CMC2: variants seen among roughly 807,000 people sequenced by gnomAD.
CMC2 encodes the protein COX assembly mitochondrial protein 2 homolog.
Under a neutral mutation model 7.5 loss-of-function variants are expected in CMC2, and 5 were observed. The ratio of observed to expected loss-of-function variants is 0.66; its 90% CI spans 0.35 to 1.40. The LOEUF is 1.40. Among genes scored for constraint, CMC2 ranks in the 40% most tolerant of loss-of-function variants. CMC2 has a pLI of 0.04. For synonymous variants in CMC2, 37 were observed against 31.4 expected, an observed-to-expected ratio of 1.18 and a Z score of -0.60; for missense variants, 115 against 92.3, an observed-to-expected ratio of 1.25 and a Z score of -1.01.
At chr16:81,005,120 C>G (rs1597287592) in intron 1 of CMC2, among the ~76,000 whole-genome samples, 1 of 152,230 alleles carries the variant, frequency 6.6e-6, no homozygotes, top group South Asian at 2.1e-4. Context: ...ACTGTAAACA[C>G]TCCGCTTTCT....
At chr16:80,992,703 TCC>T (rs1404535140) in intron 2 of CMC2, among the ~76,000 whole-genome samples, 4 of 74,754 alleles carry the variant, frequency 5.4e-5, no homozygotes, top group East Asian at 4.3e-4. Flanking sequence ...TTATTCCCCC[TCC>T]TTTTTTTTTT....
At chr16:80,981,715 G>A (rs1314490012) in intron 3 of CMC2, 91 bp downstream of exon 3, 9 of 769,662 alleles carry the variant, frequency 1.2e-5, no homozygotes, top group Non-Finnish European at 1.9e-5. Context: ...ACTAAAATGT[G>A]GGAAAAATTC....
In CMC2 at chr16:80,975,868, T is replaced by C. The variant is rs572008832; in HGVS notation, c.*225A>G. The C allele has an allele frequency of 1.2e-5, 5 of 420,840 alleles. No homozygotes were observed. The highest frequency in any genetic ancestry group is 8.1e-5 in the South Asian group (2 of 24,698). 26.1% of individuals were successfully genotyped at this position (420,840 alleles called of 1,614,324 possible). On this transcript the variant is annotated 3_prime_UTR_variant, in exon 4 of 4. Transcript: ENST00000219400. ...ATTAACTGGTTGTAGGCAAAGGGAA[T>C]AAACATGGTGAAGTCAGGTTTGCTG...
intron 2 of CMC2, among the ~76,000 whole-genome samples, chr16:80,988,289 A>G (rs2911148): frequency 0.65 from 99,076 of 152,028 alleles, 34,029 homozygotes; most frequent in South Asian, 0.8. Flanking sequence ...ACATGGTCTC[A>G]CTCCGTTGCC....
At chr16:81,002,402 G>T (rs935225415) in intron 1 of CMC2, among the ~76,000 whole-genome samples, 2 of 152,174 alleles carry the variant, frequency 1.3e-5, no homozygotes, top group African/African-American at 4.8e-5. Context: ...TCCAGCTTGG[G>T]TAACAGCGCA....
Position 80,978,317 on chromosome 16 carries a change from T to C in CMC2, c.154-2138A>G, listed in dbSNP as rs1034888973. On this transcript the variant is annotated intron_variant, in intron 3 of 3. Coordinates refer to ENST00000219400, the MANE Select transcript of CMC2 (RefSeq NM_020188.5). The stretch of plus-strand genomic sequence containing the variant: ...TTAAGGGAAACTCTTCAGAAGATAA[T>C]ACTTTGTAGCAGGCCAATAAAATAA... 7 of 1,258,858 alleles carry C rather than the reference T, an allele frequency of 5.6e-6. No individual in the cohort carries two copies. In the African/African-American group the frequency reaches 1.1e-4, roughly 20 times the overall value. The allele number at this position is 1,258,858 out of a possible 1,614,324, so 78.0% of individuals were successfully genotyped here. A position where few individuals can be genotyped will look rare whatever the true frequency, so the allele number is the denominator to read the frequency against.
At chr16:80,978,028 C>T (rs894185870) in intron 3 of CMC2, among the ~76,000 whole-genome samples, 8 of 150,324 alleles carry the variant, frequency 5.3e-5, no homozygotes, top group African/African-American at 2.0e-4. Context: ...GCCGAGATCG[C>T]ACCACAGCAC....
At position 80,973,987 on chromosome 16, in the gene CMC2, T is replaced by G. The variant is rs1236857213; in HGVS notation, c.*2106A>C. ...GGCCTACAGGGCCTTAGCTGGCATCTGCATGCTGACATCTCCCAATTTTGT... is the reference window on the plus strand; with the variant it reads ...GGCCTACAGGGCCTTAGCTGGCATCGGCATGCTGACATCTCCCAATTTTGT... On this transcript the variant is annotated 3_prime_UTR_variant, in exon 4 of 4. Transcript: ENST00000219400. 6.6e-6 allele frequency: 1 copy of G among 152,238 alleles called. No homozygotes were observed. The highest frequency in any genetic ancestry group is 1.5e-5 in the Non-Finnish European group (1 of 68,050). The allele number at this position is 152,238 out of a possible 1,614,324, so 9.4% of individuals were successfully genotyped here. A position where few individuals can be genotyped will look rare whatever the true frequency, so the allele number is the denominator to read the frequency against.
At chr16:81,002,187 G>A (rs999232806) in intron 1 of CMC2, among the ~76,000 whole-genome samples, 1 of 152,176 alleles carries the variant, frequency 6.6e-6, no homozygotes, top group East Asian at 1.9e-4. Context: ...CACTTTGGGA[G>A]GCTGAGGCAG....
chr16:80,968,069 T>G lies in CMC2; in HGVS notation c.*8024A>C, dbSNP rs376151044. On this transcript the variant is annotated 3_prime_UTR_variant, in exon 4 of 4. Coordinates refer to ENST00000219400, the MANE Select transcript of CMC2 (RefSeq NM_020188.5). ...TGATGACAAGAGTGGATGAAGGTCA[T>G]TAACCCTAAAGAAGTAGGCATTTTA... 1 of 152,314 alleles carries G rather than the reference T, an allele frequency of 6.6e-6. No homozygotes were observed. The highest frequency in any genetic ancestry group is 1.5e-5 in the Non-Finnish European group (1 of 68,026). The allele number at this position is 152,314 out of a possible 1,614,324, so 9.4% of individuals were successfully genotyped here. A position where few individuals can be genotyped will look rare whatever the true frequency, so the allele number is the denominator to read the frequency against.
intron 2 of CMC2, chr16:80,996,809 C>T: frequency 5.7e-6 from 1 of 174,522 alleles, no homozygotes; most frequent in Non-Finnish European, 1.3e-5. Flanking sequence ...GGCTCCTTTT[C>T]TATTTTGGTT....
chr16:80,992,178 CAA>C (rs1044487586), intron 2 of CMC2, among the ~76,000 whole-genome samples: 2 of 152,132 alleles, frequency 1.3e-5, no homozygotes, highest in African/African-American at 2.4e-5. Flanking sequence ...TCTAAAAAAA[CAA>C]AGTCTATTTA....
chr16:80,993,575 A>G (rs1323823024), intron 2 of CMC2, among the ~76,000 whole-genome samples: 4 of 152,222 alleles, frequency 2.6e-5, no homozygotes, highest in African/African-American at 9.7e-5. Flanking sequence ...ACAAGCTGAA[A>G]AACGCAGAGC....
rs1382581963 is a variant in CMC2, at chr16:80,971,401, G to T, written c.*4692C>A. On this transcript the variant is annotated 3_prime_UTR_variant, in exon 4 of 4. Coordinates refer to ENST00000219400, the MANE Select transcript of CMC2 (RefSeq NM_020188.5). ...TAGGCCTACAACAAAATGCTATATAGCAGGCAAAACAAATAAACAAGAACC... is the reference window on the plus strand; with the variant it reads ...TAGGCCTACAACAAAATGCTATATATCAGGCAAAACAAATAAACAAGAACC... The T allele has an allele frequency of 6.6e-6, 1 of 150,444 alleles. No individual in the cohort carries two copies. The highest frequency in any genetic ancestry group is 1.5e-5 in the Non-Finnish European group (1 of 67,834). The allele number at this position is 150,444 out of a possible 1,614,324, so 9.3% of individuals were successfully genotyped here. A position where few individuals can be genotyped will look rare whatever the true frequency, so the allele number is the denominator to read the frequency against.
chr16:80,979,417 C>A (rs139560640), intron 3 of CMC2, among the ~76,000 whole-genome samples: 49 of 152,048 alleles, frequency 3.2e-4, no homozygotes, highest in African/African-American at 1.2e-3. Context: ...CTCAGGCCAG[C>A]TGAGAAGACA....
At chr16:80,984,519 T>C (rs917632125) in intron 2 of CMC2, among the ~76,000 whole-genome samples, 1 of 152,244 alleles carries the variant, frequency 6.6e-6, no homozygotes, top group African/African-American at 2.4e-5. Flanking sequence ...TCCTATTTGT[T>C]ACCTAATGAC....
rs556736061 is a variant in CMC2, at chr16:81,005,309, G to C, written c.-36+1425C>G. 3.3e-5 allele frequency among the ~76,000 whole-genome samples: 5 copies of C among 152,268 alleles called. No homozygotes were observed. In the East Asian group the frequency reaches 7.7e-4, roughly 23 times the overall value. On this transcript the variant is annotated intron_variant, in intron 1 of 3. Coordinates refer to ENST00000219400, the MANE Select transcript of CMC2 (RefSeq NM_020188.5). ...GGCCTGTAACCCTAGCTACTCAGGA[G>C]GTTGAGGCACGAGAATCACTAGAAC...
chr16:80,988,624 G>T, intron 2 of CMC2: 1 of 699,968 alleles, frequency 1.4e-6, no homozygotes, highest in Non-Finnish European at 2.6e-6. Flanking sequence ...TTAAATTTAA[G>T]TCTCCATACG....
intron 2 of CMC2, among the ~76,000 whole-genome samples, chr16:80,989,382 A>G (rs944311029): frequency 1.3e-5 from 2 of 152,122 alleles, no homozygotes; most frequent in Non-Finnish European, 2.9e-5. Flanking sequence ...ATGGATCCTT[A>G]TTCAATTGAT....
Sources: gnomAD v4.1 joint callset for allele counts (sites outside exome capture counted in the v4.1 genomes callset) on GRCh38, gnomAD v4.1.1 for gene constraint, MANE v1.5 for transcripts, NCBI Gene and HGNC (gene_info 2026-07-23, HGNC 2026-07-21) for gene names.